TMEM63C: variants seen among roughly 807,000 people sequenced by gnomAD.
TMEM63C encodes transmembrane protein 63C.
In TMEM63C, 32 loss-of-function variants were observed where a neutral mutation model predicts 99.2. That is an observed-to-expected ratio of 0.32 (90% CI 0.24 to 0.43). The LOEUF (loss-of-function observed/expected upper bound fraction) is 0.43. Ranked by LOEUF, TMEM63C falls within the 20% of genes least tolerant of loss-of-function variation. TMEM63C has a pLI of 1.00. For missense variants in TMEM63C, 826 were observed against 1,053.0 expected (o/e 0.78, Z 2.98); for synonymous variants, 376 against 397.9 (o/e 0.94, Z 0.66).
At chr14:77,227,643 G>A (rs1014289485) in intron 6 of TMEM63C, among the ~76,000 whole-genome samples, 2 of 152,258 alleles carry the variant, frequency 1.3e-5, no homozygotes, top group Non-Finnish European at 2.9e-5. Flanking sequence ...ATCGAGGCGG[G>A]AGGAAGAGGC....
chr14:77,233,856 T>A (rs192607566), intron 8 of TMEM63C, among the ~76,000 whole-genome samples: 5 of 152,218 alleles, frequency 3.3e-5, no homozygotes, highest in Admixed American at 3.3e-4. Context: ...TAGGTTCCAG[T>A]CAGCCGTCAT....
Position 77,239,427 on chromosome 14 carries a change from C to T in TMEM63C, c.741C>T (p.Gly247=). 1.9e-6 allele frequency: 3 copies of T among 1,613,664 alleles called. No individual in the cohort carries two copies. The highest frequency in any genetic ancestry group is 2.2e-5 in the South Asian group (2 of 91,086). ...IIKHFHEAYP[G]SVVTRVHFCY... is the part of the protein sequence containing the mutation. ...GTGGCTGCAGCGAGGCCTATCCAGG[C>T]AGTGTCGTGACAAGAGTCCACTTCT... is the stretch of plus-strand genomic sequence containing the variant. The change falls in exon 11 of 24, where the codon GGC becomes GGT. Residue 247 remains glycine, a synonymous_variant. Transcript: ENST00000298351.
In TMEM63C at chr14:77,220,097, G is replaced by A. The variant is rs1335779502; in HGVS notation, c.312+10G>A. 6.4e-7 allele frequency: 1 copy of A among 1,554,688 alleles called. No homozygotes were observed. The highest frequency in any genetic ancestry group is 8.7e-7 in the Non-Finnish European group (1 of 1,149,200). On this transcript the variant is annotated intron_variant, in intron 5 of 23. Transcript: ENST00000298351. ...GGAACGCAGAGACAAGGTGAGTGCT[G>A]GGAGCGGTCTGGGCGGTGGGAGTCC... is the stretch of plus-strand genomic sequence containing the variant.
intron 1 of TMEM63C, among the ~76,000 whole-genome samples, chr14:77,201,520 G>A (rs1176897300): frequency 2.6e-5 from 4 of 152,140 alleles, no homozygotes; most frequent in Admixed American, 2.0e-4. Context: ...CCTGTTCTAT[G>A]GTCTAGGATA....
intron 6 of TMEM63C, among the ~76,000 whole-genome samples, chr14:77,227,408 T>C (rs1026907620): frequency 6.6e-6 from 1 of 152,092 alleles, no homozygotes; most frequent in Non-Finnish European, 1.5e-5. Flanking sequence ...GGGAGGGTAG[T>C]AATGCCATTA....
At chr14:77,200,547 A>G (rs893069078) in intron 1 of TMEM63C, among the ~76,000 whole-genome samples, 1 of 152,142 alleles carries the variant, frequency 6.6e-6, no homozygotes, top group Non-Finnish European at 1.5e-5. Context: ...GTGCTCAGAG[A>G]GCACACGAGG....
chr14:77,240,947 CTTTTTTT>C (rs533958957), intron 13 of TMEM63C, among the ~76,000 whole-genome samples: 13 of 67,096 alleles, frequency 1.9e-4, no homozygotes, highest in Non-Finnish European at 4.2e-4. Context: ...TTTTTTTTTT[CTTTTTTT>C]TTTTTTTTCT....
intron 23 of TMEM63C, among the ~76,000 whole-genome samples, chr14:77,254,036 T>C (rs1889420714): frequency 6.6e-6 from 1 of 152,156 alleles, no homozygotes; most frequent in African/African-American, 2.4e-5. Context: ...TGGGAGGAGC[T>C]CTGAAGAAGG....
rs772701077 is a variant in TMEM63C at position 77,215,614 on chromosome 14, A to AAAAAAAGAAAAGAAAAG, written c.-14+2110_-14+2111insAAGAAAAGAAAAGAAAA. 5.7e-4 allele frequency among the ~76,000 whole-genome samples: 44 copies of AAAAAAAGAAAAGAAAAG among 76,552 alleles called. 1 individual carries two copies. The highest frequency in any genetic ancestry group is 2.1e-3 in the African/African-American group (38 of 17,852). 50.2% of individuals were successfully genotyped at this position (76,552 alleles called of 152,430 possible). On this transcript the variant is annotated intron_variant, in intron 2 of 23. Transcript: ENST00000298351. ...AGACTCTGTCTCAAAAAAAAAAAAA[A>AAAAAAAGAAAAGAAAAG]AAAAGAAAAGAAAAGAAAAAGAAAC...
intron 1 of TMEM63C, among the ~76,000 whole-genome samples, chr14:77,196,578 ACT>A (rs1888218781): frequency 6.6e-6 from 1 of 151,924 alleles, no homozygotes; most frequent in Non-Finnish European, 1.5e-5. Flanking sequence ...TGCCCAGCTG[ACT>A]CTGGTTTGGG....
intron 1 of TMEM63C, among the ~76,000 whole-genome samples, chr14:77,193,312 G>A (rs954012475): frequency 6.6e-6 from 1 of 152,212 alleles, no homozygotes; most frequent in Non-Finnish European, 1.5e-5. Context: ...ACCCTCATTG[G>A]AGGACAATTT....
At chr14:77,210,795 T>A (rs1888482691) in intron 1 of TMEM63C, among the ~76,000 whole-genome samples, 1 of 151,986 alleles carries the variant, frequency 6.6e-6, no homozygotes, top group Non-Finnish European at 1.5e-5. Context: ...AACAAAAAGA[T>A]GATTAATTAT....
chr14:77,232,806 G>A (rs1227146935), intron 7 of TMEM63C, among the ~76,000 whole-genome samples: 2 of 152,202 alleles, frequency 1.3e-5, no homozygotes, highest in South Asian at 2.1e-4. Flanking sequence ...GAATAGCACC[G>A]TAAATGCCCC....
chr14:77,238,708 A>G lies in TMEM63C; in HGVS notation c.666A>G (p.Leu222=). The G allele has an allele frequency of 4.3e-6, 7 of 1,613,710 alleles. No individual in the cohort carries two copies. Among genetic ancestry groups the G allele is most frequent in the Non-Finnish European group, 5.1e-6 (6 of 1,179,594 alleles). Residue 222 remains leucine, a synonymous_variant, in exon 10 of 24, where the codon CTA becomes CTG. Coordinates refer to ENST00000298351, the MANE Select transcript of TMEM63C (RefSeq NM_020431.4). ...PRNSQKVTRT[L]MITYVPKDIE... is the part of the protein sequence containing the mutation. Reference sequence around the variant, plus strand: ...TTCCCACCCAGGTCACAAGGACACTAATGATCACCTATGTGCCCAAGGACA... The same window carrying G: ...TTCCCACCCAGGTCACAAGGACACTGATGATCACCTATGTGCCCAAGGACA...
chr14:77,256,518 C>A lies in TMEM63C; in HGVS notation c.2221-8C>A. The A allele has an allele frequency of 1.2e-6, 2 of 1,613,812 alleles. No homozygotes were observed. Among genetic ancestry groups the A allele is most frequent in the Non-Finnish European group, 1.7e-6 (2 of 1,179,852 alleles). On this transcript the variant is annotated splice_region_variant and splice_polypyrimidine_tract_variant and intron_variant, in intron 23 of 23. Coordinates refer to ENST00000298351, the MANE Select transcript of TMEM63C (RefSeq NM_020431.4). ...CTTGCTCCTGTCCCCTGTCTCTATC[C>A]CAAGCAGCTGTATGTGGCCACCGTG...
At chr14:77,214,154 CA>C (rs1888541106) in intron 2 of TMEM63C, among the ~76,000 whole-genome samples, 1 of 152,096 alleles carries the variant, frequency 6.6e-6, no homozygotes, top group South Asian at 2.1e-4. Flanking sequence ...CTTCATTTTG[CA>C]AATATTTATG....
chr14:77,243,134 A>G (rs409306), intron 15 of TMEM63C, 78 bp downstream of exon 15: 1,196,486 of 1,548,850 alleles, frequency 0.77, 462,687 homozygotes, highest in East Asian at 0.93. Flanking sequence ...GGATGGGGGG[A>G]GCCCCCTGGG....
At chr14:77,230,803 A>T (rs1484004829) in intron 6 of TMEM63C, among the ~76,000 whole-genome samples, 4 of 152,182 alleles carry the variant, frequency 2.6e-5, no homozygotes, top group African/African-American at 4.8e-5. Flanking sequence ...AAGGTTAGGG[A>T]CCACTGCTGT....
intron 5 of TMEM63C, among the ~76,000 whole-genome samples, chr14:77,222,320 G>A (rs1888738319): frequency 6.6e-6 from 1 of 152,112 alleles, no homozygotes; most frequent in South Asian, 2.1e-4. Flanking sequence ...TCTCCACGTT[G>A]TGTTGCTTTG....
Sources: allele counts gnomAD v4.1 joint callset (sites outside exome capture counted in the v4.1 genomes callset), GRCh38; gene constraint gnomAD v4.1.1; transcripts MANE v1.5; gene names NCBI Gene and HGNC (gene_info 2026-07-23, HGNC 2026-07-21).